The following AGPAT5 variants were observed in gnomAD, a reference collection of about 807,000 sequenced individuals.
The protein encoded by AGPAT5 is 1-acylglycerol-3-phosphate O-acyltransferase 5.
AGPAT5 carries 46 observed loss-of-function variants against 45.6 expected under a neutral mutation model. The observed-to-expected ratio is 1.01, with a 90% CI of 0.80 to 1.29. AGPAT5 has a LOEUF of 1.29. Among genes scored for constraint, AGPAT5 ranks in the 50% most tolerant of loss-of-function variants. The pLI is 0.00. For missense variants in AGPAT5, 673 were observed against 450.7 expected, an observed-to-expected ratio of 1.49 and a Z score of -4.47; for synonymous variants, 272 against 167.0, an observed-to-expected ratio of 1.63 and a Z score of -4.85.
At chr8:6,744,389 C>T (rs1217823266) in intron 5 of AGPAT5, among the ~76,000 whole-genome samples, 2 of 152,210 alleles carry the variant, frequency 1.3e-5, no homozygotes, top group African/African-American at 4.8e-5. Context: ...TGGCTGCTCT[C>T]AGGCAGGGCC....
rs576357825 is a variant in AGPAT5 at position 6,758,629 on chromosome 8, C to T, written c.*1241C>T. The T allele has an allele frequency of 5.2e-5, 8 of 152,610 alleles. No individual in the cohort carries two copies. In the South Asian group the frequency reaches 1.0e-3, roughly 20 times the overall value. The allele number at this position is 152,610 out of a possible 1,614,324, so 9.5% of individuals were successfully genotyped here. The stretch of plus-strand genomic sequence containing the variant: ...ACAGACTTAATTTGTCATGACTGAA[C>T]GAATTTGTTTATTTCCCATTAGGTT... On this transcript the variant is annotated 3_prime_UTR_variant, in exon 8 of 8. Coordinates refer to ENST00000285518, the MANE Select transcript of AGPAT5 (RefSeq NM_018361.5).
rs368957235 is a variant in AGPAT5 at position 6,720,676 on chromosome 8, C to G, written c.220-4194C>G. On this transcript the variant is annotated intron_variant, in intron 1 of 7. Transcript: ENST00000285518. ...AGAGAAAAATTAGAGAGTCATCAAT[C>G]ACGCAGATCCAGTACAGAGGGTGGC... is the stretch of plus-strand genomic sequence containing the variant. 2.0e-3 allele frequency among the ~76,000 whole-genome samples: 310 copies of G among 152,302 alleles called. 12 individuals are homozygous for G. The South Asian group carries it at 0.061, about 30-fold the overall frequency.
intron 6 of AGPAT5, 108 bp from the exon 7 acceptor site, chr8:6,754,943 C>T: frequency 1.0e-5 from 9 of 886,742 alleles, no homozygotes; most frequent in South Asian, 5.3e-5. Context: ...TGTACTTTTT[C>T]TTCATTTTAC....
chr8:6,737,137 C>G (rs1269184911), intron 4 of AGPAT5, among the ~76,000 whole-genome samples: 1 of 152,194 alleles, frequency 6.6e-6, no homozygotes, highest in African/African-American at 2.4e-5. Flanking sequence ...TTTTATGTTC[C>G]TAGCGCAGTG....
Position 6,732,646 on chromosome 8 carries a change from C to A in AGPAT5, c.491C>A (p.Thr164Asn). 2 of 1,604,822 alleles carry A rather than the reference C, an allele frequency of 1.2e-6. No individual in the cohort carries two copies. Among genetic ancestry groups the A allele is most frequent in the Non-Finnish European group, 1.7e-6 (2 of 1,177,356 alleles). ...TTGCAGAGCTACGTGGACGCAGGAA[C>A]TCCAGTAAGAGCCTACCCGTTTTTA... ...NKLQSYVDAGTPMYLVIFPEG... is the reference protein window; with the variant it reads ...NKLQSYVDAGNPMYLVIFPEG... The change falls in exon 4 of 8, where the codon ACT (threonine) becomes AAT (asparagine). Residue 164 changes from threonine (T) to asparagine (N), a missense_variant. Thr to Asn is a moderately conservative substitution (Grantham distance 65, BLOSUM62 0). Coordinates refer to ENST00000285518, the MANE Select transcript of AGPAT5 (RefSeq NM_018361.5).
At chr8:6,756,646 A>G (rs956342795) in intron 7 of AGPAT5, among the ~76,000 whole-genome samples, 4 of 150,562 alleles carry the variant, frequency 2.7e-5, no homozygotes, top group Non-Finnish European at 4.4e-5. Context: ...GAGGATATGC[A>G]TATGTTATAT....
At chr8:6,730,179 A>G (rs1800814485) in intron 2 of AGPAT5, among the ~76,000 whole-genome samples, 1 of 151,676 alleles carries the variant, frequency 6.6e-6, no homozygotes, top group African/African-American at 2.4e-5. Flanking sequence ...TTATTTAGGT[A>G]TTTTGTGACT....
chr8:6,739,242 C>A (rs1363986278), intron 4 of AGPAT5, among the ~76,000 whole-genome samples: 2 of 151,942 alleles, frequency 1.3e-5, no homozygotes, highest in African/African-American at 4.8e-5. Flanking sequence ...TAAATTTGTT[C>A]TTTCTTTTCA....
At chr8:6,747,614 G>C in intron 5 of AGPAT5, 56 bp from the exon 6 acceptor site, 2 of 1,480,104 alleles carry the variant, frequency 1.4e-6, no homozygotes, top group Non-Finnish European at 9.3e-7. Context: ...ATGTTAAACA[G>C]TATATTGTGG....
chr8:6,711,813 C>G (rs1170727762), intron 1 of AGPAT5, among the ~76,000 whole-genome samples: 1 of 152,190 alleles, frequency 6.6e-6, no homozygotes. Flanking sequence ...TTAACCTCTG[C>G]CTTACAGTCC....
chr8:6,716,097 A>G (rs1161564211), intron 1 of AGPAT5, among the ~76,000 whole-genome samples: 2 of 152,154 alleles, frequency 1.3e-5, no homozygotes, highest in East Asian at 1.9e-4. Context: ...TCATGATGTT[A>G]CCCCATCTCA....
intron 1 of AGPAT5, among the ~76,000 whole-genome samples, chr8:6,711,997 C>G (rs994905363): frequency 6.6e-6 from 1 of 152,208 alleles, no homozygotes; most frequent in Non-Finnish European, 1.5e-5. Flanking sequence ...GGTTCCAGGG[C>G]TTAGGATGTG....
At chr8:6,741,984 A>G (rs940613555) in intron 5 of AGPAT5, among the ~76,000 whole-genome samples, 1 of 152,158 alleles carries the variant, frequency 6.6e-6, no homozygotes, top group African/African-American at 2.4e-5. Context: ...TACGATACAT[A>G]TTCTTGTGCC....
chr8:6,742,833 G>C (rs1392152330), intron 5 of AGPAT5, among the ~76,000 whole-genome samples: 1 of 152,166 alleles, frequency 6.6e-6, no homozygotes, highest in Admixed American at 6.5e-5. Flanking sequence ...GAGTGTTTCA[G>C]AATAGGAGGG....
At chr8:6,710,305 G>C (rs577157186) in intron 1 of AGPAT5, among the ~76,000 whole-genome samples, 15 of 152,214 alleles carry the variant, frequency 9.9e-5, no homozygotes, top group African/African-American at 3.6e-4. Flanking sequence ...TCAGAGATCC[G>C]ATTTACTTCT....
At chr8:6,717,095 G>C (rs1587003826) in intron 1 of AGPAT5, among the ~76,000 whole-genome samples, 1 of 152,200 alleles carries the variant, frequency 6.6e-6, no homozygotes, top group African/African-American at 2.4e-5. Flanking sequence ...AGTCAGAGAA[G>C]TTAAAAAAGA....
At chr8:6,728,442 T>C (rs997682404) in intron 2 of AGPAT5, among the ~76,000 whole-genome samples, 1 of 152,254 alleles carries the variant, frequency 6.6e-6, no homozygotes, top group African/African-American at 2.4e-5. Flanking sequence ...CTAGTTAAGC[T>C]AGTTCTTAAA....
In AGPAT5 at chr8:6,759,243, A is replaced by T. The variant is rs1364157600; in HGVS notation, c.*1855A>T. 8 of 152,204 alleles carry T rather than the reference A, an allele frequency of 5.3e-5. No homozygotes were observed. Among genetic ancestry groups the T allele is most frequent in the Admixed American group, 6.5e-5 (1 of 15,280 alleles). 9.4% of individuals were successfully genotyped at this position (152,204 alleles called of 1,614,324 possible). ...ATATAATGGGTATGTTCTAAATTTG[A>T]ACTTTGAGAGGCAATACTGTTGGAA... is the stretch of plus-strand genomic sequence containing the variant. On this transcript the variant is annotated 3_prime_UTR_variant, in exon 8 of 8. Transcript: ENST00000285518.
intron 5 of AGPAT5, among the ~76,000 whole-genome samples, chr8:6,742,110 G>A (rs1352149701): frequency 6.6e-6 from 1 of 152,174 alleles, no homozygotes; most frequent in African/African-American, 2.4e-5. Context: ...ACCTAAGTTG[G>A]AGTCCAAACT....
Sources: allele counts gnomAD v4.1 joint callset (sites outside exome capture counted in the v4.1 genomes callset), GRCh38; gene constraint gnomAD v4.1.1; transcripts MANE v1.5; gene names NCBI Gene and HGNC (gene_info 2026-07-23, HGNC 2026-07-21).